Variants in ITPR2 observed in about 807,000 individuals in gnomAD.
ITPR2 encodes the protein inositol 1,4,5-trisphosphate-gated calcium channel ITPR2.
A neutral mutation model predicts 317.1 loss-of-function variants in ITPR2; 207 were observed. That is an observed-to-expected ratio of 0.65 (90% CI 0.58 to 0.73). The LOEUF is 0.73. Ranked by LOEUF, ITPR2 falls within the 30% of genes least tolerant of loss-of-function variation. ITPR2 has a pLI of 0.00. For missense variants in ITPR2, 2,613 were observed against 3,284.0 expected (o/e 0.80, Z 4.99); for synonymous variants, 1,156 against 1,149.1 (o/e 1.01, Z -0.12).
chr12:26,379,435 T>C (rs1320026941), intron 55 of ITPR2, among the ~76,000 whole-genome samples: 1 of 152,192 alleles, frequency 6.6e-6, no homozygotes, highest in African/African-American at 2.4e-5. Flanking sequence ...AGTTGTAGTG[T>C]TGTTAGTGGC....
chr12:26,630,411 G>C (rs1946721093), intron 22 of ITPR2, among the ~76,000 whole-genome samples: 1 of 150,646 alleles, frequency 6.6e-6, no homozygotes, highest in Non-Finnish European at 1.5e-5. Flanking sequence ...AATGAAAAGA[G>C]AGAGGCTGAG....
chr12:26,420,797 ATAC>A (rs1940865384), intron 49 of ITPR2, among the ~76,000 whole-genome samples: 1 of 152,162 alleles, frequency 6.6e-6, no homozygotes, highest in African/African-American at 2.4e-5. Flanking sequence ...ATATATAAGA[ATAC>A]TAATCTATAT....
At chr12:26,719,615 T>A (rs894233714) in intron 5 of ITPR2, among the ~76,000 whole-genome samples, 1 of 152,216 alleles carries the variant, frequency 6.6e-6, no homozygotes, top group Non-Finnish European at 1.5e-5. Context: ...CACTTTTTTT[T>A]ATTACACTTT....
At chr12:26,820,073 CA>C (rs1565788882) in intron 1 of ITPR2, among the ~76,000 whole-genome samples, 1 of 151,130 alleles carries the variant, frequency 6.6e-6, no homozygotes, top group Non-Finnish European at 1.5e-5. Flanking sequence ...GACTCAGTCT[CA>C]AAAAAAAGAA....
chr12:26,817,528 A>G (rs964159674), intron 1 of ITPR2, among the ~76,000 whole-genome samples: 1 of 152,100 alleles, frequency 6.6e-6, no homozygotes, highest in African/African-American at 2.4e-5. Context: ...CTGTGTATCA[A>G]TTCCTCCTCT....
At chr12:26,665,415 C>T (rs909737356) in intron 14 of ITPR2, among the ~76,000 whole-genome samples, 5 of 152,200 alleles carry the variant, frequency 3.3e-5, no homozygotes, top group Non-Finnish European at 1.5e-5. Flanking sequence ...TATTCATAGC[C>T]TCATCGAATC....
intron 55 of ITPR2, among the ~76,000 whole-genome samples, chr12:26,370,566 A>G (rs931819123): frequency 1.1e-4 from 17 of 152,214 alleles, no homozygotes; most frequent in African/African-American, 4.1e-4. Flanking sequence ...ATTTTCCCCC[A>G]TGCGGAATTT....
At chr12:26,360,965 A>G (rs1938810055) in intron 55 of ITPR2, among the ~76,000 whole-genome samples, 1 of 152,022 alleles carries the variant, frequency 6.6e-6, no homozygotes, top group African/African-American at 2.4e-5. Flanking sequence ...TGTAATCCCA[A>G]AACTTTGGGA....
rs1338485609 is a variant in ITPR2 at position 26,387,525 on chromosome 12, A to G, written c.7766T>C (p.Met2589Thr). The change falls in exon 55 of 57, where the codon ATG becomes ACG. Residue 2589 changes from methionine to threonine, a missense_variant. Met to Thr is a moderately conservative substitution (Grantham distance 81). Transcript: ENST00000381340. ...FEEHIKSEHN[M>T]WHYLYFIVLV... ...GACTATGAAGTACAAATAATGCCAC[A>G]TATTGTGTTCTGACTTAATGTGCTC... 3 of 1,613,666 alleles carry G rather than the reference A, an allele frequency of 1.9e-6. No homozygotes were observed. Among genetic ancestry groups the G allele is most frequent in the Non-Finnish European group, 2.5e-6 (3 of 1,179,786 alleles).
intron 37 of ITPR2, among the ~76,000 whole-genome samples, chr12:26,528,721 T>C (rs1943871501): frequency 6.6e-6 from 1 of 152,240 alleles, no homozygotes; most frequent in South Asian, 2.1e-4. Flanking sequence ...AACTTCACTG[T>C]CATGGATTTT....
At chr12:26,342,348 T>TTA (rs1047061906) in intron 55 of ITPR2, among the ~76,000 whole-genome samples, 22 of 152,140 alleles carry the variant, frequency 1.4e-4, no homozygotes, top group Admixed American at 9.8e-4. Context: ...TATCCAGTAT[T>TTA]TATATTACGT....
At chr12:26,625,463 T>C (rs1173058923) in intron 23 of ITPR2, among the ~76,000 whole-genome samples, 1 of 151,976 alleles carries the variant, frequency 6.6e-6, no homozygotes, top group African/African-American at 2.4e-5. Context: ...ACATCAACTA[T>C]GTACCCACAA....
At chr12:26,449,700 G>A (rs143824848) in intron 45 of ITPR2, among the ~76,000 whole-genome samples, 63 of 152,232 alleles carry the variant, frequency 4.1e-4, no homozygotes, top group African/African-American at 1.4e-3. Flanking sequence ...GCATGAGGAA[G>A]TGATTCTGCA....
chr12:26,395,227 G>A (rs767505362), intron 54 of ITPR2, among the ~76,000 whole-genome samples: 34 of 152,074 alleles, frequency 2.2e-4, no homozygotes, highest in African/African-American at 3.4e-4. Context: ...TTTGGGAGAC[G>A]GAATAGGACC....
rs956671058 is a variant in ITPR2, at chr12:26,484,098, C to T, written c.5812-200G>A. Among the ~76,000 whole-genome samples the T allele has an allele frequency of 3.3e-5, 5 of 150,690 alleles. No individual in the cohort carries two copies. In the South Asian group the frequency reaches 8.4e-4, roughly 25 times the overall value. ...ATCTATATATATATATACACACACA[C>T]ATATATATGTATACATGTACATATA... On this transcript the variant is annotated intron_variant, in intron 41 of 56. Coordinates refer to ENST00000381340, the MANE Select transcript of ITPR2 (RefSeq NM_002223.4).
intron 33 of ITPR2, 34 bp downstream of exon 33, chr12:26,579,993 T>C (rs1280112686): frequency 1.9e-6 from 3 of 1,589,750 alleles, no homozygotes; most frequent in Non-Finnish European, 2.6e-6. Context: ...GAGAAACTCT[T>C]TGCAACAGAA....
At chr12:26,372,887 C>T (rs1274880682) in intron 55 of ITPR2, among the ~76,000 whole-genome samples, 3 of 152,200 alleles carry the variant, frequency 2.0e-5, no homozygotes, top group African/African-American at 7.2e-5. Flanking sequence ...TTCCTCGCGC[C>T]TCCCACTGCC....
intron 55 of ITPR2, among the ~76,000 whole-genome samples, chr12:26,342,840 C>T (rs1938178956): frequency 6.6e-6 from 1 of 151,764 alleles, no homozygotes; most frequent in Admixed American, 6.6e-5. Flanking sequence ...AACTCCTGAC[C>T]TCAAGTGATC....
At chr12:26,765,362 G>A (rs1158606607) in intron 2 of ITPR2, among the ~76,000 whole-genome samples, 1 of 151,986 alleles carries the variant, frequency 6.6e-6, no homozygotes, top group Non-Finnish European at 1.5e-5. Flanking sequence ...TTCTTTGCTT[G>A]CTGGTTAGTT....
Sources: gnomAD v4.1 joint callset for allele counts (sites outside exome capture counted in the v4.1 genomes callset) on GRCh38, gnomAD v4.1.1 for gene constraint, MANE v1.5 for transcripts, NCBI Gene and HGNC (gene_info 2026-07-23, HGNC 2026-07-21) for gene names.